Variants in ADGRL3 observed in about 807,000 individuals in gnomAD.
The protein encoded by ADGRL3 is calcium-independent alpha-latrotoxin receptor 3.
A neutral mutation model predicts 153.5 loss-of-function variants in ADGRL3; 62 were observed. That is an observed-to-expected ratio of 0.40 (90% confidence interval 0.33 to 0.50). The LOEUF is 0.50. Among genes scored for constraint, ADGRL3 ranks in the 20% least tolerant of loss-of-function variants. The pLI is 0.47. For missense variants in ADGRL3, 1,641 were observed against 1,859.4 expected, an observed-to-expected ratio of 0.88 and a Z score of 2.16; for synonymous variants, 710 against 672.5, an observed-to-expected ratio of 1.06 and a Z score of -0.86.
intron 1 of ADGRL3, among the ~76,000 whole-genome samples, chr4:61,371,186 T>C (rs375500922): frequency 7.9e-5 from 12 of 151,450 alleles, no homozygotes; most frequent in Non-Finnish European, 3.0e-5. Context: ...CTTTATCCAA[T>C]TTGCCAGTCT....
At chr4:61,647,232 C>T (rs375315088) in intron 5 of ADGRL3, among the ~76,000 whole-genome samples, 7 of 152,204 alleles carry the variant, frequency 4.6e-5, no homozygotes, top group South Asian at 2.1e-4. Flanking sequence ...AGAAATCACC[C>T]GTCTTCTGCG....
intron 9 of ADGRL3, among the ~76,000 whole-genome samples, chr4:61,830,679 G>A (rs1421551325): frequency 6.6e-6 from 1 of 152,116 alleles, no homozygotes; most frequent in Non-Finnish European, 1.5e-5. Flanking sequence ...TGACCAGCCA[G>A]ATTAGTAGGA....
intron 15 of ADGRL3, 23 bp downstream of exon 15, chr4:61,936,068 A>C: frequency 6.2e-7 from 1 of 1,607,548 alleles, no homozygotes; most frequent in Non-Finnish European, 8.5e-7. Flanking sequence ...TTATTTTTTA[A>C]GCTTGAGGGA....
Position 61,511,282 on chromosome 4 carries a change from T to C in ADGRL3, c.56-6033T>C, listed in dbSNP as rs1322753203. ...TACTCGGGACGTTGCAGTAGGAGAA[T>C]CACTTGAACCCAGGAAGCGGAGGTT... On this transcript the variant is annotated intron_variant, in intron 3 of 26. Coordinates refer to ENST00000683033, the MANE Select transcript of ADGRL3 (RefSeq NM_001387552.1). 2.6e-5 allele frequency among the ~76,000 whole-genome samples: 4 copies of C among 152,264 alleles called. No individual in the cohort carries two copies. In the East Asian group the frequency reaches 7.7e-4, roughly 29 times the overall value.
chr4:61,251,713 T>C (rs13149889), intron 1 of ADGRL3, among the ~76,000 whole-genome samples: 111,858 of 151,572 alleles, frequency 0.74, 41,499 homozygotes, highest in Non-Finnish European at 0.77. Flanking sequence ...GGCCTAAAAC[T>C]ACTGTAAATT....
chr4:61,892,885 A>C lies in ADGRL3; in HGVS notation c.1710A>C (p.Glu570Asp). 1.3e-6 allele frequency: 2 copies of C among 1,592,846 alleles called. No homozygotes were observed. Among genetic ancestry groups the C allele is most frequent in the Non-Finnish European group, 1.7e-6 (2 of 1,173,128 alleles). ...PALEESCEAVEAREIMWFKTR... is the reference protein window; with the variant it reads ...PALEESCEAVDAREIMWFKTR... Reference sequence around the variant, plus strand: ...TCGAAGAGAGCTGTGAGGCTGTGGAAGCCCGAGAAATCATGTGGTTTAAGA... The same window carrying C: ...TCGAAGAGAGCTGTGAGGCTGTGGACGCCCGAGAAATCATGTGGTTTAAGA... Residue 570 changes from glutamate (E) to aspartate (D), a missense_variant, in exon 10 of 27, where the codon GAA (glutamate) becomes GAC (aspartate). Glu to Asp is a conservative substitution (Grantham distance 45, BLOSUM62 2). Around this residue, in one of 5 missense-constraint regions of ADGRL3, gnomAD observed 734 missense variants for 797.0 expected, o/e 0.92. Coordinates refer to ENST00000683033, the MANE Select transcript of ADGRL3 (RefSeq NM_001387552.1).
chr4:61,853,536 T>C (rs1331678638), intron 9 of ADGRL3, among the ~76,000 whole-genome samples: 1 of 152,180 alleles, frequency 6.6e-6, no homozygotes, highest in African/African-American at 2.4e-5. Context: ...TGAAAATACT[T>C]GGAAAAATGT....
chr4:61,268,908 G>A (rs183350222), intron 1 of ADGRL3, among the ~76,000 whole-genome samples: 14 of 151,636 alleles, frequency 9.2e-5, no homozygotes, highest in South Asian at 4.2e-4. Flanking sequence ...AAGTAATTGC[G>A]TCAACTCATT....
chr4:61,318,313 A>G (rs2150698089), intron 1 of ADGRL3, among the ~76,000 whole-genome samples: 1 of 152,204 alleles, frequency 6.6e-6, no homozygotes, highest in Non-Finnish European at 1.5e-5. Flanking sequence ...CTTTGGAGGA[A>G]GACTCATAAA....
chr4:61,515,558 A>G (rs1317975778), intron 3 of ADGRL3, among the ~76,000 whole-genome samples: 1 of 152,158 alleles, frequency 6.6e-6, no homozygotes, highest in East Asian at 1.9e-4. Context: ...AAGAGGTCCC[A>G]ACATGTAATG....
intron 2 of ADGRL3, among the ~76,000 whole-genome samples, chr4:61,469,728 A>G (rs1482065629): frequency 1.3e-5 from 2 of 152,068 alleles, no homozygotes; most frequent in African/African-American, 4.8e-5. Flanking sequence ...TTTATAGTTT[A>G]CAGCGTAAGA....
chr4:61,331,309 C>G (rs141158393), intron 1 of ADGRL3, among the ~76,000 whole-genome samples: 1 of 152,108 alleles, frequency 6.6e-6, no homozygotes, highest in Non-Finnish European at 1.5e-5. Flanking sequence ...GTAGGAGATA[C>G]GTCCTCCAAT....
chr4:61,631,337 C>A (rs529393494), intron 5 of ADGRL3, among the ~76,000 whole-genome samples: 13 of 152,284 alleles, frequency 8.5e-5, no homozygotes, highest in African/African-American at 3.1e-4. Flanking sequence ...AAGCTGCATA[C>A]TTTTTCACCC....
chr4:61,804,887 G>A (rs760691600), intron 8 of ADGRL3, among the ~76,000 whole-genome samples: 4 of 151,814 alleles, frequency 2.6e-5, no homozygotes, highest in Admixed American at 1.3e-4. Context: ...TTAGCATTTC[G>A]TTGCAATCCA....
At chr4:61,723,328 G>C (rs527616600) in intron 6 of ADGRL3, among the ~76,000 whole-genome samples, 1 of 152,242 alleles carries the variant, frequency 6.6e-6, no homozygotes, top group South Asian at 2.1e-4. Flanking sequence ...GAAACACCCT[G>C]GTCCCTTGTC....
chr4:62,052,475 G>GA (rs1164650031), intron 25 of ADGRL3, among the ~76,000 whole-genome samples: 3 of 150,988 alleles, frequency 2.0e-5, no homozygotes, highest in Admixed American at 6.6e-5. Flanking sequence ...AAAAATGCTT[G>GA]AAAAAACTGA....
chr4:61,541,063 GA>G (rs2098687696), intron 4 of ADGRL3, among the ~76,000 whole-genome samples: 1 of 152,226 alleles, frequency 6.6e-6, no homozygotes, highest in Non-Finnish European at 1.5e-5. Context: ...ACTGTTATCA[GA>G]GGCAGGGTAG....
rs1270837458 is a variant in ADGRL3 at position 62,070,309 on chromosome 4, T to A, written c.4033T>A (p.Tyr1345Asn). The A allele has an allele frequency of 6.4e-7, 1 of 1,559,956 alleles. No individual in the cohort carries two copies. Among genetic ancestry groups the A allele is most frequent in the Non-Finnish European group, 8.7e-7 (1 of 1,150,920 alleles). ...ACTCACTTCCAACTATATCCCTTCTTACCTGAACAACCATGAGCGCTCCAG... is the reference window on the plus strand; with the variant it reads ...ACTCACTTCCAACTATATCCCTTCTAACCTGAACAACCATGAGCGCTCCAG... ...KELTSNYIPS[Y>N]LNNHERSSEQ... The change falls in exon 27 of 27, where the codon TAC (tyrosine) becomes AAC (asparagine). Residue 1345 changes from tyrosine (Y) to asparagine (N), a missense_variant. This residue lies in a region of ADGRL3 where 517 missense variants were observed against 555.0 expected (regional missense o/e 0.93). Coordinates refer to ENST00000683033, the MANE Select transcript of ADGRL3 (RefSeq NM_001387552.1).
intron 21 of ADGRL3, 104 bp from the exon 22 acceptor site, chr4:62,028,751 G>T: frequency 1.3e-6 from 1 of 787,620 alleles, no homozygotes; most frequent in Non-Finnish European, 2.0e-6. Context: ...AGGGAGGTGG[G>T]GGACAGAGGC....
Sources: allele counts gnomAD v4.1 joint callset (sites outside exome capture counted in the v4.1 genomes callset), GRCh38; gene constraint gnomAD v4.1.1; regional missense constraint gnomAD v4.1.1; transcripts MANE v1.5; gene names NCBI Gene and HGNC (gene_info 2026-07-23, HGNC 2026-07-21).